SPPL3: variants seen among roughly 807,000 people sequenced by gnomAD.
The protein encoded by SPPL3 is signal peptide peptidase-like 3.
Under a neutral mutation model 42.4 loss-of-function variants are expected in SPPL3, and 5 were observed. That is an observed-to-expected ratio of 0.12 (90% CI 0.06 to 0.25). The LOEUF (loss-of-function observed/expected upper bound fraction) is 0.25, where lower values mean the gene tolerates loss of function less well. Ranked by LOEUF, SPPL3 falls within the 10% of genes least tolerant of loss-of-function variation. The pLI is 1.00. For missense variants in SPPL3, 235 were observed against 489.0 expected, an observed-to-expected ratio of 0.48 and a Z score of 4.90; for synonymous variants, 195 against 181.8, an observed-to-expected ratio of 1.07 and a Z score of -0.58.
At chr12:120,883,173 C>T (rs934052171) in intron 1 of SPPL3, among the ~76,000 whole-genome samples, 1 of 151,794 alleles carries the variant, frequency 6.6e-6, no homozygotes, top group Non-Finnish European at 1.5e-5. Flanking sequence ...GGCGTGGTGG[C>T]GGGCACCTGT....
At chr12:120,822,871 C>G (rs1871113066) in intron 1 of SPPL3, among the ~76,000 whole-genome samples, 1 of 152,082 alleles carries the variant, frequency 6.6e-6, no homozygotes, top group Non-Finnish European at 1.5e-5. Flanking sequence ...CCTCTGGTCA[C>G]TGTTCTGTCC....
chr12:120,778,510 G>A (rs930339069), intron 6 of SPPL3, among the ~76,000 whole-genome samples: 1 of 152,072 alleles, frequency 6.6e-6, no homozygotes, highest in Non-Finnish European at 1.5e-5. Flanking sequence ...TCAGCATAGA[G>A]AATGGTCACA....
At chr12:120,774,810 C>G (rs968119116) in intron 6 of SPPL3, among the ~76,000 whole-genome samples, 1 of 152,032 alleles carries the variant, frequency 6.6e-6, no homozygotes, top group Non-Finnish European at 1.5e-5. Context: ...GCTCTCTTTC[C>G]CTTGCGGCTT....
chr12:120,781,754 T>G (rs1278983918), intron 6 of SPPL3, among the ~76,000 whole-genome samples: 1 of 151,178 alleles, frequency 6.6e-6, no homozygotes, highest in African/African-American at 2.4e-5. Context: ...TAATTTTTTG[T>G]ATTTTTAGTA....
At position 120,764,959 on chromosome 12, in the gene SPPL3, A is replaced by ATTCT; in HGVS notation, c.*39_*40insAGAA. 6.2e-7 allele frequency: 1 copy of ATTCT among 1,600,798 alleles called. No homozygotes were observed. On this transcript the variant is annotated 3_prime_UTR_variant, in exon 11 of 11. Coordinates refer to ENST00000353487, the MANE Select transcript of SPPL3 (RefSeq NM_139015.5). ...GAAACAAACCATGAGTTGAGAGAAAAGGACTATGACGGCCATCTGGTCACT... is the reference window on the plus strand; with the variant it reads ...GAAACAAACCATGAGTTGAGAGAAAATTCTGGACTATGACGGCCATCTGGTCACT...
chr12:120,779,437 A>T lies in SPPL3; in HGVS notation c.502+3218T>A, dbSNP rs551797845. On this transcript the variant is annotated intron_variant, in intron 6 of 10. Transcript: ENST00000353487. ...TATTTGGAGTAGGTAACAGGAATAG[A>T]TGCAATCCATACCTGTACCCCAGAT... is the stretch of plus-strand genomic sequence containing the variant. 1.6e-4 allele frequency among the ~76,000 whole-genome samples: 25 copies of T among 152,292 alleles called. No homozygotes were observed. The South Asian group carries it at 5.2e-3, about 32-fold the overall frequency.
intron 1 of SPPL3, among the ~76,000 whole-genome samples, chr12:120,830,945 G>A (rs1472473081): frequency 3.3e-5 from 5 of 152,112 alleles, no homozygotes; most frequent in Non-Finnish European, 7.3e-5. Context: ...GTGTGAGAGT[G>A]TTTCTGGAGG....
At chr12:120,784,279 A>G (rs1284906989) in intron 4 of SPPL3, 195 bp downstream of exon 4, 2 of 475,798 alleles carry the variant, frequency 4.2e-6, no homozygotes, top group African/African-American at 2.0e-5. Context: ...GGCAGGTCTC[A>G]ACAGATGACG....
At chr12:120,804,915 A>C (rs539604834) in intron 2 of SPPL3, among the ~76,000 whole-genome samples, 24 of 152,248 alleles carry the variant, frequency 1.6e-4, no homozygotes, top group Non-Finnish European at 3.2e-4. Flanking sequence ...TGAAATACTG[A>C]TAACATGCTA....
chr12:120,845,401 T>A, intron 1 of SPPL3: 1 of 375,180 alleles, frequency 2.7e-6, no homozygotes, highest in Non-Finnish European at 5.3e-6. Flanking sequence ...CAGGCCTGTG[T>A]GTTCTGGAAG....
intron 1 of SPPL3, among the ~76,000 whole-genome samples, chr12:120,840,598 G>T (rs1353723995): frequency 6.6e-6 from 1 of 152,062 alleles, no homozygotes; most frequent in Admixed American, 6.6e-5. Context: ...TTGGGAGCCC[G>T]AGGCAGGTAG....
intron 1 of SPPL3, among the ~76,000 whole-genome samples, chr12:120,874,782 T>TGC: frequency 6.6e-6 from 1 of 152,056 alleles, no homozygotes; most frequent in African/African-American, 2.4e-5. Context: ...TGTGTGTGTG[T>TGC]GCTGGTGGGG....
chr12:120,771,418 G>A (rs631743), intron 6 of SPPL3, among the ~76,000 whole-genome samples: 1 of 152,160 alleles, frequency 6.6e-6, no homozygotes, highest in East Asian at 1.9e-4. Context: ...AACTGGCTCC[G>A]CTCCTCGTCT....
intron 1 of SPPL3, among the ~76,000 whole-genome samples, chr12:120,870,790 T>TA (rs1260948369): frequency 1.3e-5 from 2 of 152,060 alleles, no homozygotes; most frequent in Non-Finnish European, 2.9e-5. Flanking sequence ...GTCAAATTCA[T>TA]AGACAGTGGA....
intron 1 of SPPL3, among the ~76,000 whole-genome samples, chr12:120,817,576 G>A (rs1050977699): frequency 3.9e-5 from 6 of 152,160 alleles, no homozygotes; most frequent in African/African-American, 9.7e-5. Context: ...ACTCTGGTTC[G>A]TTTATTCAAC....
At chr12:120,890,964 T>C (rs549880438) in intron 1 of SPPL3, among the ~76,000 whole-genome samples, 1 of 152,264 alleles carries the variant, frequency 6.6e-6, no homozygotes, top group South Asian at 2.1e-4. Flanking sequence ...ACTTGGTAAA[T>C]CTAACCTGAA....
At chr12:120,781,397 TGATATAG>T (rs1869531520) in intron 6 of SPPL3, among the ~76,000 whole-genome samples, 2 of 152,072 alleles carry the variant, frequency 1.3e-5, no homozygotes, top group African/African-American at 4.8e-5. Context: ...TTTTATGTAA[TGATATAG>T]ACATGTATTT....
chr12:120,894,880 G>C (rs1301148971), intron 1 of SPPL3, among the ~76,000 whole-genome samples: 1 of 152,158 alleles, frequency 6.6e-6, no homozygotes, highest in Non-Finnish European at 1.5e-5. Flanking sequence ...CCGGGAGGTG[G>C]AGGCTGCAGT....
chr12:120,798,535 A>G (rs1024406888), intron 2 of SPPL3, among the ~76,000 whole-genome samples: 11 of 152,198 alleles, frequency 7.2e-5, no homozygotes, highest in South Asian at 2.1e-4. Flanking sequence ...CGCACAGCAG[A>G]GCTAACAATG....
Sources: allele counts gnomAD v4.1 joint callset (sites outside exome capture counted in the v4.1 genomes callset), GRCh38; gene constraint gnomAD v4.1.1; transcripts MANE v1.5; gene names NCBI Gene and HGNC (gene_info 2026-07-23, HGNC 2026-07-21).